The following IPO11 variants were observed in gnomAD, a reference collection of about 807,000 sequenced individuals.
The protein encoded by IPO11 is importin-11.
In IPO11, 66 loss-of-function variants were observed where a neutral mutation model predicts 143.2. The ratio of observed to expected loss-of-function variants is 0.46; its 90% CI spans 0.38 to 0.57. The LOEUF (loss-of-function observed/expected upper bound fraction) is 0.57, where lower values mean the gene tolerates loss of function less well. Among genes scored for constraint, IPO11 ranks in the 20% least tolerant of loss-of-function variants. The pLI is 0.00. For missense variants in IPO11, 1,026 were observed against 1,141.0 expected (o/e 0.90, Z 1.45); for synonymous variants, 385 against 377.8 (o/e 1.02, Z -0.22).
At chr5:62,417,772 G>T (rs1019669952) in intron 1 of IPO11, among the ~76,000 whole-genome samples, 1 of 152,052 alleles carries the variant, frequency 6.6e-6, no homozygotes, top group East Asian at 1.9e-4. Flanking sequence ...TCTCTTCAAC[G>T]CTGACATATG....
At chr5:62,536,988 T>A (rs1178415910) in intron 23 of IPO11, among the ~76,000 whole-genome samples, 1 of 151,960 alleles carries the variant, frequency 6.6e-6, no homozygotes, top group African/African-American at 2.4e-5. Context: ...TGTCAACAAA[T>A]TTTTTTTATA....
chr5:62,575,900 T>C (rs760745858), intron 27 of IPO11: 4 of 152,266 alleles, frequency 2.6e-5, no homozygotes, highest in Non-Finnish European at 5.9e-5. Context: ...AATTGTTTGC[T>C]AAATTTTTTT....
At chr5:62,618,191 A>G (rs1223803724) in intron 29 of IPO11, among the ~76,000 whole-genome samples, 1 of 152,172 alleles carries the variant, frequency 6.6e-6, no homozygotes, top group Non-Finnish European at 1.5e-5. Context: ...TATTACACAA[A>G]GGTTGAGAGA....
rs114804754 is a variant in IPO11 at position 62,495,202 on chromosome 5, C to T, written c.1590+1078C>T. On this transcript the variant is annotated intron_variant, in intron 16 of 29. Transcript: ENST00000325324. ...TAAATACTATAAGCATGGGAAGTTA[C>T]AAGAGAGCCTTGTGGTATTTTACTG... is the stretch of plus-strand genomic sequence containing the variant. Among the ~76,000 whole-genome samples the T allele has an allele frequency of 7.9e-3, 1,201 of 152,278 alleles. 20 individuals are homozygous for T. Among genetic ancestry groups the T allele is most frequent in the African/African-American group, 0.027 (1,138 of 41,548 alleles).
intron 29 of IPO11, among the ~76,000 whole-genome samples, chr5:62,613,531 A>G (rs1364392197): frequency 3.3e-5 from 5 of 151,748 alleles, no homozygotes; most frequent in Non-Finnish European, 2.9e-5. Flanking sequence ...TTGAACTCCC[A>G]AGCTCAGGCA....
chr5:62,580,368 CA>C, intron 27 of IPO11: 1 of 1,547,032 alleles, frequency 6.5e-7, no homozygotes, highest in Non-Finnish European at 8.7e-7. Flanking sequence ...TAGATAGAAA[CA>C]GAATAATTAG....
intron 5 of IPO11, among the ~76,000 whole-genome samples, chr5:62,457,086 G>C (rs1745186766): frequency 6.6e-6 from 1 of 151,950 alleles, no homozygotes; most frequent in Admixed American, 6.6e-5. Context: ...TCTCTGGGGT[G>C]GGGGGGAAAA....
chr5:62,467,606 C>G (rs1745616255), intron 6 of IPO11, among the ~76,000 whole-genome samples: 1 of 152,114 alleles, frequency 6.6e-6, no homozygotes, highest in African/African-American at 2.4e-5. Flanking sequence ...GCCAACTTTC[C>G]TAAAATTTTT....
At position 62,485,469 on chromosome 5, in the gene IPO11, A is replaced by G. The variant is rs1746364004; in HGVS notation, c.1218+7A>G. 1 of 1,599,134 alleles carries G rather than the reference A, an allele frequency of 6.3e-7. No homozygotes were observed. The highest frequency in any genetic ancestry group is 1.7e-5 in the Admixed American group (1 of 59,906). On this transcript the variant is annotated splice_region_variant and intron_variant, in intron 12 of 29. Transcript: ENST00000325324. The stretch of plus-strand genomic sequence containing the variant: ...TTGGAAATATAGTTTGAGGGTAAGT[A>G]TTAATTGCAAGAAAAATTGATAGGG...
intron 29 of IPO11, among the ~76,000 whole-genome samples, chr5:62,626,322 C>G (rs1308709521): frequency 1.3e-5 from 2 of 152,224 alleles, no homozygotes; most frequent in Non-Finnish European, 2.9e-5. Context: ...GCCACCGAGC[C>G]TGGCCCTACA....
intron 7 of IPO11, among the ~76,000 whole-genome samples, chr5:62,471,600 C>CA (rs1324641556): frequency 3.3e-5 from 5 of 152,070 alleles, no homozygotes; most frequent in African/African-American, 1.2e-4. Context: ...CAATTTGATA[C>CA]AAATGGGATC....
intron 19 of IPO11, among the ~76,000 whole-genome samples, chr5:62,509,018 T>C (rs1225357064): frequency 2.0e-5 from 3 of 152,234 alleles, no homozygotes. Flanking sequence ...CAATAGTGCT[T>C]TCTGACACAT....
intron 1 of IPO11, 81 bp from the exon 2 acceptor site, chr5:62,437,193 G>A (rs1277943226): frequency 1.6e-5 from 18 of 1,150,094 alleles, no homozygotes; most frequent in African/African-American, 3.2e-5. Flanking sequence ...GAACATGAAA[G>A]CTTTTTGTCT....
intron 5 of IPO11, among the ~76,000 whole-genome samples, chr5:62,455,758 CT>C (rs879895100): frequency 1.9e-3 from 271 of 144,654 alleles, no homozygotes; most frequent in Admixed American, 2.5e-3. Flanking sequence ...AAAAGGAATT[CT>C]TTTTTTTTTT....
intron 3 of IPO11, among the ~76,000 whole-genome samples, chr5:62,445,113 A>T (rs1256723527): frequency 6.6e-6 from 1 of 152,084 alleles, no homozygotes; most frequent in African/African-American, 2.4e-5. Flanking sequence ...GCTGGAAAGG[A>T]GAGGATGCTG....
rs563163368 is a variant in IPO11 at position 62,449,452 on chromosome 5, C to T, written c.240-475C>T. ...TCTTGCCCCATAGAATAATCTCACA[C>T]AGATTTTATGAAAGAAGCCAATGGA... On this transcript the variant is annotated intron_variant, in intron 3 of 29. Transcript: ENST00000325324. Among the ~76,000 whole-genome samples, 25 of 151,998 alleles carry T rather than the reference C, an allele frequency of 1.6e-4. No homozygotes were observed. In the East Asian group the frequency reaches 4.3e-3, roughly 26 times the overall value.
intron 1 of IPO11, among the ~76,000 whole-genome samples, chr5:62,420,453 C>T (rs771469204): frequency 6.6e-6 from 1 of 152,126 alleles, no homozygotes; most frequent in Non-Finnish European, 1.5e-5. Context: ...TCACCACTAA[C>T]GTGTGAGTAA....
intron 27 of IPO11, among the ~76,000 whole-genome samples, chr5:62,575,798 A>T (rs1362142563): frequency 1.3e-5 from 2 of 151,132 alleles, no homozygotes; most frequent in East Asian, 1.9e-4. Context: ...CTATGTTGTT[A>T]TTTTTTTTTC....
At chr5:62,555,153 A>G (rs541775719) in intron 26 of IPO11, among the ~76,000 whole-genome samples, 66 of 151,806 alleles carry the variant, frequency 4.3e-4, no homozygotes, top group African/African-American at 1.6e-3. Context: ...TGTAATTGGT[A>G]TTTTGATAGG....
Sources: gnomAD v4.1 joint callset for allele counts (sites outside exome capture counted in the v4.1 genomes callset) on GRCh38, gnomAD v4.1.1 for gene constraint, MANE v1.5 for transcripts, NCBI Gene and HGNC (gene_info 2026-07-23, HGNC 2026-07-21) for gene names.